GPRIN3: variants seen among roughly 807,000 people sequenced by gnomAD.
The protein encoded by GPRIN3 is GPRIN family member 3.
In GPRIN3, 12 loss-of-function variants were observed where a neutral mutation model predicts 13.7. That is an observed-to-expected ratio of 0.87 (90% CI 0.56 to 1.42). The LOEUF (loss-of-function observed/expected upper bound fraction) is 1.42. Among genes scored for constraint, GPRIN3 ranks in the 40% most tolerant of loss-of-function variants. The pLI is 0.00. For missense variants in GPRIN3, 1,009 were observed against 958.7 expected (o/e 1.05, Z -0.69); for synonymous variants, 377 against 372.7 (o/e 1.01, Z -0.13).
intron 1 of GPRIN3, among the ~76,000 whole-genome samples, chr4:89,298,448 A>G (rs575647201): frequency 6.6e-6 from 1 of 152,074 alleles, no homozygotes; most frequent in Non-Finnish European, 1.5e-5. Context: ...AAAGAGGTAC[A>G]GGGCTGCTTG....
At position 89,249,671 on chromosome 4, in the gene GPRIN3, G is replaced by T. The variant is rs1723259628; in HGVS notation, c.440C>A (p.Thr147Asn). 6.2e-7 allele frequency: 1 copy of T among 1,614,060 alleles called. No individual in the cohort carries two copies. The highest frequency in any genetic ancestry group is 1.3e-5 in the African/African-American group (1 of 74,934). Residue 147 changes from threonine (T) to asparagine (N), a missense_variant, in exon 2 of 2, where the codon ACC (threonine) becomes AAC (asparagine). Physicochemically the swap from Thr to Asn is moderately conservative, Grantham distance 65 (BLOSUM62 0). Transcript: ENST00000609438. ...CAGGGAATCTTCAGGCATGGATGAG[G>T]TGATGGCATTGGGCTGATCACCTGG... ...SIPGDQPNAI[T>N]SSMPEDSLMR...
chr4:89,286,931 T>C (rs1185925000), intron 1 of GPRIN3, among the ~76,000 whole-genome samples: 2 of 152,134 alleles, frequency 1.3e-5, no homozygotes, highest in Non-Finnish European at 2.9e-5. Context: ...TTTGAGGCTA[T>C]AGTGAGCTAT....
intron 1 of GPRIN3, among the ~76,000 whole-genome samples, chr4:89,274,639 T>C (rs1724045077): frequency 6.6e-6 from 1 of 152,292 alleles, no homozygotes; most frequent in Middle Eastern, 3.4e-3. Context: ...CTTGATTTTT[T>C]TGGAGCCTCA....
chr4:89,253,712 G>T (rs1476764876), intron 1 of GPRIN3, among the ~76,000 whole-genome samples: 1 of 152,170 alleles, frequency 6.6e-6, no homozygotes, highest in African/African-American at 2.4e-5. Flanking sequence ...GCTAATAGAG[G>T]TTTAATTGTC....
chr4:89,301,096 G>A (rs1330950005), intron 1 of GPRIN3, among the ~76,000 whole-genome samples: 1 of 152,114 alleles, frequency 6.6e-6, no homozygotes, highest in South Asian at 2.1e-4. Flanking sequence ...CAAAAGTTTT[G>A]CTGCAATCAT....
chr4:89,236,576 T>C lies in GPRIN3; in HGVS notation c.*11204A>G, dbSNP rs1189915616. 4 of 152,158 alleles carry C rather than the reference T, an allele frequency of 2.6e-5. No individual in the cohort carries two copies. The highest frequency in any genetic ancestry group is 2.6e-4 in the Admixed American group (4 of 15,278). The allele number at this position is 152,158 out of a possible 1,614,324, so 9.4% of individuals were successfully genotyped here. ...GCAAAGTGAGCATTGTTATTCTCAGTTTCCAGATGAATGCACTGAAATAAT... is the reference window on the plus strand; with the variant it reads ...GCAAAGTGAGCATTGTTATTCTCAGCTTCCAGATGAATGCACTGAAATAAT... On this transcript the variant is annotated 3_prime_UTR_variant, in exon 2 of 2. Coordinates refer to ENST00000609438, the MANE Select transcript of GPRIN3 (RefSeq NM_198281.3).
intron 1 of GPRIN3, among the ~76,000 whole-genome samples, chr4:89,258,237 T>A (rs1425847200): frequency 2.0e-5 from 3 of 151,434 alleles, no homozygotes; most frequent in Non-Finnish European, 1.5e-5. Context: ...GAGCATTTTT[T>A]TTTTTTGAGA....
At chr4:89,295,292 C>A (rs546788657) in intron 1 of GPRIN3, among the ~76,000 whole-genome samples, 1 of 152,200 alleles carries the variant, frequency 6.6e-6, no homozygotes, top group East Asian at 1.9e-4. Context: ...ATGAAGGGGT[C>A]TTCCATTGAA....
At chr4:89,281,947 T>C (rs1406327995) in intron 1 of GPRIN3, among the ~76,000 whole-genome samples, 1 of 151,284 alleles carries the variant, frequency 6.6e-6, no homozygotes, top group Non-Finnish European at 1.5e-5. Flanking sequence ...TTATAATGCA[T>C]TGCTATGCAG....
intron 1 of GPRIN3, among the ~76,000 whole-genome samples, chr4:89,257,171 C>A (rs1233251943): frequency 6.6e-6 from 1 of 152,224 alleles, no homozygotes; most frequent in African/African-American, 2.4e-5. Flanking sequence ...CTTAGTGCTA[C>A]TAACAGTGTC....
chr4:89,262,872 A>G (rs1444512671), intron 1 of GPRIN3, among the ~76,000 whole-genome samples: 1 of 152,176 alleles, frequency 6.6e-6, no homozygotes, highest in Admixed American at 6.5e-5. Context: ...TGGTTTTCAA[A>G]TCATACATTC....
At chr4:89,258,367 C>A (rs948069852) in intron 1 of GPRIN3, among the ~76,000 whole-genome samples, 1 of 151,896 alleles carries the variant, frequency 6.6e-6, no homozygotes, top group African/African-American at 2.4e-5. Flanking sequence ...AAGGCATGCA[C>A]CACAACACCC....
intron 1 of GPRIN3, among the ~76,000 whole-genome samples, chr4:89,270,867 G>A (rs1419005579): frequency 6.6e-6 from 1 of 152,018 alleles, no homozygotes; most frequent in Non-Finnish European, 1.5e-5. Context: ...GCAGAAATTG[G>A]AACTTGGTGC....
intron 1 of GPRIN3, among the ~76,000 whole-genome samples, chr4:89,274,213 C>A (rs72872535): frequency 6.6e-6 from 1 of 152,130 alleles, no homozygotes; most frequent in African/African-American, 2.4e-5. Flanking sequence ...AAAATAACCC[C>A]GAAGTGCTAT....
chr4:89,286,360 A>C (rs1259367287), intron 1 of GPRIN3, among the ~76,000 whole-genome samples: 1 of 152,164 alleles, frequency 6.6e-6, no homozygotes. Context: ...ATGGTCTGCA[A>C]AATCTTTTGC....
Position 89,237,548 on chromosome 4 carries a change from C to G in GPRIN3, c.*10232G>C, listed in dbSNP as rs770535715. 13 of 152,116 alleles carry G rather than the reference C, an allele frequency of 8.5e-5. No homozygotes were observed. Among genetic ancestry groups the G allele is most frequent in the Non-Finnish European group, 1.6e-4 (11 of 68,036 alleles). 9.4% of individuals were successfully genotyped at this position (152,116 alleles called of 1,614,324 possible). ...TCATCCCTTTTACTGTGTGAGGACACAGCAAACAGGCACCACACGTGAGCC... is the reference window on the plus strand; with the variant it reads ...TCATCCCTTTTACTGTGTGAGGACAGAGCAAACAGGCACCACACGTGAGCC... On this transcript the variant is annotated 3_prime_UTR_variant, in exon 2 of 2. Transcript: ENST00000609438.
chr4:89,269,880 G>A lies in GPRIN3; in HGVS notation c.-123-19647C>T, dbSNP rs187935141. Reference sequence around the variant, plus strand: ...TAACAACGGGGTTCCATCACACTAAGCTTTAAATCAAATACTTGAGGAACT... The same window carrying A: ...TAACAACGGGGTTCCATCACACTAAACTTTAAATCAAATACTTGAGGAACT... On this transcript the variant is annotated intron_variant, in intron 1 of 1. Transcript: ENST00000609438. Among the ~76,000 whole-genome samples, 761 of 152,226 alleles carry A rather than the reference G, an allele frequency of 5.0e-3. 2 individuals are homozygous for A. Among genetic ancestry groups the A allele is most frequent in the Non-Finnish European group, 9.3e-3 (635 of 68,010 alleles).
At position 89,261,208 on chromosome 4, in the gene GPRIN3, G is replaced by A. The variant is rs560696126; in HGVS notation, c.-123-10975C>T. Among the ~76,000 whole-genome samples, 9 of 152,300 alleles carry A rather than the reference G, an allele frequency of 5.9e-5. 1 individual carries two copies. The highest frequency in any genetic ancestry group is 1.0e-4 in the Non-Finnish European group (7 of 68,010). ...TTTGGACCAGATAGCTTGTAGTGGG[G>A]AAGGGAAGAAAGGAGGATTGTCCTA... On this transcript the variant is annotated intron_variant, in intron 1 of 1. Coordinates refer to ENST00000609438, the MANE Select transcript of GPRIN3 (RefSeq NM_198281.3).
At position 89,242,117 on chromosome 4, in the gene GPRIN3, T is replaced by C. The variant is rs1722960389; in HGVS notation, c.*5663A>G. 1 of 152,212 alleles carries C rather than the reference T, an allele frequency of 6.6e-6. No homozygotes were observed. The highest frequency in any genetic ancestry group is 2.4e-5 in the African/African-American group (1 of 41,456). 9.4% of individuals were successfully genotyped at this position (152,212 alleles called of 1,614,324 possible). A position where few individuals can be genotyped will look rare whatever the true frequency, so the allele number is the denominator to read the frequency against. On this transcript the variant is annotated 3_prime_UTR_variant, in exon 2 of 2. Transcript: ENST00000609438. ...TATCACCATGCAGGTTGATCATCAA[T>C]ATCCTTTTCTAAAGTGTAAAATATG...
Sources: gnomAD v4.1 joint callset for allele counts (sites outside exome capture counted in the v4.1 genomes callset) on GRCh38, gnomAD v4.1.1 for gene constraint, MANE v1.5 for transcripts, NCBI Gene and HGNC (gene_info 2026-07-23, HGNC 2026-07-21) for gene names.